Variants in TCERG1L observed in about 807,000 individuals in gnomAD.
TCERG1L encodes the protein transcription elongation regulator 1 like, also known as transcription elongation regulator 1-like protein.
A neutral mutation model predicts 56.3 loss-of-function variants in TCERG1L; 37 were observed. The ratio of observed to expected loss-of-function variants is 0.66; its 90% confidence interval spans 0.51 to 0.87. The LOEUF is 0.87. Among genes scored for constraint, TCERG1L ranks in the 40% least tolerant of loss-of-function variants. The probability of loss-of-function intolerance (pLI) is 0.00; values close to 1 mark genes in which losing one functional copy is unlikely to be tolerated. For synonymous variants in TCERG1L, 324 were observed against 326.3 expected (o/e 0.99, Z 0.08); for missense variants, 799 against 774.2 (o/e 1.03, Z -0.38).
At chr10:131,286,257 G>A (rs961886501) in intron 3 of TCERG1L, among the ~76,000 whole-genome samples, 1 of 152,142 alleles carries the variant, frequency 6.6e-6, no homozygotes, top group African/African-American at 2.4e-5. Flanking sequence ...GAGTACTTAG[G>A]CACTGTGAAT....
intron 3 of TCERG1L, among the ~76,000 whole-genome samples, chr10:131,273,965 C>G (rs1846367655): frequency 6.6e-6 from 1 of 152,182 alleles, no homozygotes. Context: ...TGTCAGGGAA[C>G]ATGTCACAGG....
rs1184681949 is a variant in TCERG1L at position 131,118,453 on chromosome 10, G to C, written c.1260-1519C>G. ...AACTTCTCAGTAGGCCTAGGATTCT[G>C]AACTTCATGCTCACCTTTGCATTGC... On this transcript the variant is annotated intron_variant, in intron 8 of 11. Transcript: ENST00000368642. This position sits in a 1 kb window ranked among gnomAD's most constrained non-coding sequence, Gnocchi z 4.2. Among the ~76,000 whole-genome samples the C allele has an allele frequency of 6.6e-6, 1 of 152,130 alleles. No homozygotes were observed. The highest frequency in any genetic ancestry group is 6.5e-5 in the Admixed American group (1 of 15,272).
At chr10:131,258,660 G>A (rs568931841) in intron 4 of TCERG1L, among the ~76,000 whole-genome samples, 5 of 152,260 alleles carry the variant, frequency 3.3e-5, no homozygotes, top group South Asian at 2.1e-4. Flanking sequence ...TCTGAGTAAC[G>A]CCCCTTTCAT....
intron 3 of TCERG1L, among the ~76,000 whole-genome samples, chr10:131,278,679 T>G (rs1275576024): frequency 6.6e-6 from 1 of 152,156 alleles, no homozygotes; most frequent in Non-Finnish European, 1.5e-5. Flanking sequence ...CGATCATGTC[T>G]CTTCCCTGCC....
At chr10:131,230,874 A>ACAGTGTGCC (rs1845842578) in intron 4 of TCERG1L, among the ~76,000 whole-genome samples, 1 of 152,198 alleles carries the variant, frequency 6.6e-6, no homozygotes, top group Admixed American at 6.5e-5. Flanking sequence ...CCCAGAGGGG[A>ACAGTGTGCC]CAGTGTGCCC....
At chr10:131,194,636 A>C (rs1435857030) in intron 4 of TCERG1L, among the ~76,000 whole-genome samples, 3 of 152,086 alleles carry the variant, frequency 2.0e-5, no homozygotes, top group Non-Finnish European at 4.4e-5. Context: ...TAATTCTCTC[A>C]TGATTTCCTC....
intron 5 of TCERG1L, among the ~76,000 whole-genome samples, chr10:131,164,899 C>T (rs1846015617): frequency 6.6e-6 from 1 of 152,170 alleles, no homozygotes; most frequent in South Asian, 2.1e-4. Context: ...CAGCCATGCA[C>T]AGGAGGCTGG....
chr10:131,234,387 G>A (rs1845890096), intron 4 of TCERG1L, among the ~76,000 whole-genome samples: 1 of 152,086 alleles, frequency 6.6e-6, no homozygotes, highest in African/African-American at 2.4e-5. Context: ...TTTATCACTA[G>A]CTGTTAGGCA....
intron 4 of TCERG1L, among the ~76,000 whole-genome samples, chr10:131,189,485 A>G (rs1845282383): frequency 6.6e-6 from 1 of 152,202 alleles, no homozygotes. Flanking sequence ...CAGTTCCATC[A>G]ATGTTGCTTT....
chr10:131,224,398 C>T (rs184372468), intron 4 of TCERG1L, among the ~76,000 whole-genome samples: 3 of 152,204 alleles, frequency 2.0e-5, no homozygotes, highest in South Asian at 2.1e-4. Flanking sequence ...CCCTGAGCAA[C>T]GAGCCACATC....
At chr10:131,203,035 C>A (rs1845459924) in intron 4 of TCERG1L, among the ~76,000 whole-genome samples, 2 of 152,136 alleles carry the variant, frequency 1.3e-5, no homozygotes, top group Non-Finnish European at 2.9e-5. Context: ...AGTCAAAGGT[C>A]ACGCCGACAC....
chr10:131,237,180 C>A (rs1845921574), intron 4 of TCERG1L, among the ~76,000 whole-genome samples: 1 of 152,060 alleles, frequency 6.6e-6, no homozygotes, highest in Admixed American at 6.6e-5. Context: ...ATATTCTTCC[C>A]CAGAGACCCA....
At chr10:131,299,594 A>C (rs2133580940) in intron 3 of TCERG1L, among the ~76,000 whole-genome samples, 1 of 146,290 alleles carries the variant, frequency 6.8e-6, no homozygotes, top group Middle Eastern at 3.4e-3. Context: ...TTAGCTGTAG[A>C]TGTTCCTTAG....
At chr10:131,284,935 A>G (rs984012793) in intron 3 of TCERG1L, among the ~76,000 whole-genome samples, 5 of 152,212 alleles carry the variant, frequency 3.3e-5, no homozygotes, top group African/African-American at 1.2e-4. Context: ...TTATATTTTA[A>G]GAGGAAAGTT....
intron 3 of TCERG1L, among the ~76,000 whole-genome samples, chr10:131,298,050 T>A (rs1041622383): frequency 2.0e-5 from 3 of 152,074 alleles, no homozygotes. Flanking sequence ...TTTAATTTTT[T>A]AATTTCTGCT....
chr10:131,119,772 C>T (rs1845495398), intron 8 of TCERG1L, among the ~76,000 whole-genome samples: 1 of 152,202 alleles, frequency 6.6e-6, no homozygotes, highest in Non-Finnish European at 1.5e-5. Flanking sequence ...TAGCTCAACC[C>T]ACGGTTTTCC....
At chr10:131,261,230 T>A (rs1846234903) in intron 3 of TCERG1L, among the ~76,000 whole-genome samples, 1 of 152,256 alleles carries the variant, frequency 6.6e-6, no homozygotes. Context: ...TTTAAAAGAC[T>A]CCTCAGTTTC....
chr10:131,197,518 C>T (rs543478212), intron 4 of TCERG1L, among the ~76,000 whole-genome samples: 87 of 152,046 alleles, frequency 5.7e-4, no homozygotes, highest in African/African-American at 2.0e-3. Context: ...ACGCAAACTT[C>T]ACAAAGTGTA....
chr10:131,226,725 AAT>A (rs1191030618), intron 4 of TCERG1L, among the ~76,000 whole-genome samples: 1 of 152,238 alleles, frequency 6.6e-6, no homozygotes, highest in Non-Finnish European at 1.5e-5. Flanking sequence ...AATCAAAAAT[AAT>A]TATAGTTTAG....
Sources: allele counts gnomAD v4.1 joint callset (sites outside exome capture counted in the v4.1 genomes callset), GRCh38; gene constraint gnomAD v4.1.1; non-coding constraint Gnocchi (gnomAD v3.1); transcripts MANE v1.5; gene names NCBI Gene and HGNC (gene_info 2026-07-23, HGNC 2026-07-21).